PCDH15: variants seen among roughly 807,000 people sequenced by gnomAD.
The protein encoded by PCDH15 is protocadherin related 15.
Under a neutral mutation model 178.5 loss-of-function variants are expected in PCDH15, and 129 were observed. That is an observed-to-expected ratio of 0.72 (90% confidence interval 0.63 to 0.84). The LOEUF is 0.84. PCDH15 is among the 40% of genes least tolerant of loss of function. PCDH15 has a pLI of 0.00. For missense variants in PCDH15, 2,230 were observed against 2,099.9 expected, an observed-to-expected ratio of 1.06 and a Z score of -1.21; for synonymous variants, 800 against 732.0, an observed-to-expected ratio of 1.09 and a Z score of -1.50.
chr10:55,607,978 T>C (rs780754850), intron 2 of PCDH15, among the ~76,000 whole-genome samples: 1 of 152,082 alleles, frequency 6.6e-6, no homozygotes, highest in Admixed American at 6.6e-5. Context: ...TTTTATACTT[T>C]ATAATTTGAG....
chr10:55,381,808 A>G (rs1837539456), intron 2 of PCDH15, among the ~76,000 whole-genome samples: 1 of 152,166 alleles, frequency 6.6e-6, no homozygotes, highest in Non-Finnish European at 1.5e-5. Flanking sequence ...AAAAGCCTCT[A>G]AGTTGATCCG....
At chr10:53,918,976 G>A (rs568410387) in intron 25 of PCDH15, among the ~76,000 whole-genome samples, 1 of 152,230 alleles carries the variant, frequency 6.6e-6, no homozygotes, top group African/African-American at 2.4e-5. Context: ...CTGCCTGCTT[G>A]CATTCCTTAA....
At chr10:54,254,880 A>G (rs2056777537) in intron 8 of PCDH15, among the ~76,000 whole-genome samples, 1 of 150,994 alleles carries the variant, frequency 6.6e-6, no homozygotes. Flanking sequence ...AGCATCTGCT[A>G]AACTTCTCAA....
chr10:54,238,674 C>CTA (rs2054892114), intron 8 of PCDH15, among the ~76,000 whole-genome samples: 1 of 143,202 alleles, frequency 7.0e-6, no homozygotes, highest in Non-Finnish European at 1.5e-5. Context: ...CTCTCTCTCT[C>CTA]TCTCACACAC....
Position 54,925,693 on chromosome 10 carries a change from C to A in PCDH15, c.-79-28193G>T, listed in dbSNP as rs145086768. On this transcript the variant is annotated intron_variant, in intron 2 of 5. Transcript: ENST00000458638. The stretch of plus-strand genomic sequence containing the variant: ...TAGCTGTATTCCTAGATATTTCATT[C>A]TTTTTGTGGCAGTTGTGAATGGGAT... Among the ~76,000 whole-genome samples, 903 of 152,180 alleles carry A rather than the reference C, an allele frequency of 5.9e-3. 10 individuals carry two copies. The highest frequency in any genetic ancestry group is 0.02 in the African/African-American group (820 of 41,550).
At chr10:53,828,118 A>G (rs912630754) in intron 31 of PCDH15, among the ~76,000 whole-genome samples, 2 of 147,792 alleles carry the variant, frequency 1.4e-5, no homozygotes, top group Non-Finnish European at 3.0e-5. Context: ...AGGCAGGAGA[A>G]TCGCTTGAAC....
chr10:55,390,319 T>TTGA (rs944978902), intron 2 of PCDH15, among the ~76,000 whole-genome samples: 1 of 152,196 alleles, frequency 6.6e-6, no homozygotes, highest in Non-Finnish European at 1.5e-5. Flanking sequence ...GGGTTTTGGC[T>TTGA]TGATGATGAT....
rs139391671 is a variant in PCDH15 at position 54,541,570 on chromosome 10, A to G, written c.92-13693T>C. 9.5e-3 allele frequency among the ~76,000 whole-genome samples: 1,443 copies of G among 152,268 alleles called. 24 individuals carry two copies. Among genetic ancestry groups the G allele is most frequent in the African/African-American group, 0.033 (1,377 of 41,558 alleles). ...GTGAAATAAGATCTGTTATTCCAAA[A>G]TCTTTCCAAAAGAACTTTTCTGTTA... On this transcript the variant is annotated intron_variant, in intron 2 of 37. Transcript: ENST00000644397.
chr10:55,233,677 A>G (rs1320861345), intron 1 of PCDH15, among the ~76,000 whole-genome samples: 1 of 152,120 alleles, frequency 6.6e-6, no homozygotes, highest in Non-Finnish European at 1.5e-5. Context: ...ATAAAAGCAC[A>G]GTGAAGAGAG....
At chr10:54,570,563 T>G (rs2089669126) in intron 2 of PCDH15, among the ~76,000 whole-genome samples, 1 of 152,056 alleles carries the variant, frequency 6.6e-6, no homozygotes, top group African/African-American at 2.4e-5. Context: ...ATTTTTTAAA[T>G]ATTGCATTGG....
intron 26 of PCDH15, among the ~76,000 whole-genome samples, chr10:53,900,256 T>C (rs1173465190): frequency 2.6e-5 from 4 of 151,452 alleles, no homozygotes; most frequent in Non-Finnish European, 4.4e-5. Context: ...TGTCTGTCTC[T>C]CTCTCCCCTC....
chr10:53,954,008 T>C (rs1402755538), intron 23 of PCDH15, among the ~76,000 whole-genome samples: 1 of 152,168 alleles, frequency 6.6e-6, no homozygotes, highest in East Asian at 1.9e-4. Context: ...GCCAGGATGG[T>C]CTCAATCTCC....
At position 54,469,336 on chromosome 10, in the gene PCDH15, A is replaced by G. The variant is rs148539532; in HGVS notation, c.157+58476T>C. Reference sequence around the variant, plus strand: ...GGTTTTGAACTCCTGACCTCAAGTAATCTGCCCGCCTCAGCCTCCCAAAGT... The same window carrying G: ...GGTTTTGAACTCCTGACCTCAAGTAGTCTGCCCGCCTCAGCCTCCCAAAGT... On this transcript the variant is annotated intron_variant, in intron 3 of 37. Coordinates refer to ENST00000644397, the MANE Select transcript of PCDH15 (RefSeq NM_001384140.1). Among the ~76,000 whole-genome samples the G allele has an allele frequency of 4.8e-3, 738 of 152,234 alleles. 7 individuals are homozygous for G. Among genetic ancestry groups the G allele is most frequent in the African/African-American group, 0.017 (712 of 41,536 alleles).
At chr10:54,147,811 C>A (rs563167841) in intron 14 of PCDH15, among the ~76,000 whole-genome samples, 114 of 151,438 alleles carry the variant, frequency 7.5e-4, no homozygotes, top group African/African-American at 2.6e-3. Context: ...AGTTTTCCTC[C>A]ACAACAGTAA....
chr10:53,981,474 T>C (rs1473957385), intron 21 of PCDH15, among the ~76,000 whole-genome samples: 2 of 152,080 alleles, frequency 1.3e-5, no homozygotes, highest in Non-Finnish European at 2.9e-5. Flanking sequence ...AACAGAGATA[T>C]AGATCAATGG....
intron 2 of PCDH15, among the ~76,000 whole-genome samples, chr10:55,514,987 ATT>A (rs35469059): frequency 5.8e-5 from 7 of 120,220 alleles, no homozygotes; most frequent in Admixed American, 9.1e-5. Flanking sequence ...AGATAGATAG[ATT>A]TTTTTTTTTT....
chr10:54,064,919 C>T (rs1343947823), intron 18 of PCDH15, among the ~76,000 whole-genome samples: 1 of 152,150 alleles, frequency 6.6e-6, no homozygotes, highest in Admixed American at 6.5e-5. Flanking sequence ...CCCACCCTGC[C>T]AACTTGGAAG....
intron 3 of PCDH15, among the ~76,000 whole-genome samples, chr10:54,839,958 C>A (rs1290582902): frequency 2.0e-5 from 3 of 151,920 alleles, no homozygotes; most frequent in African/African-American, 7.2e-5. Context: ...CATCCTCAGA[C>A]CAAACACACT....
intron 2 of PCDH15, among the ~76,000 whole-genome samples, chr10:54,930,595 A>G (rs1039955085): frequency 6.6e-6 from 1 of 152,168 alleles, no homozygotes; most frequent in Non-Finnish European, 1.5e-5. Context: ...GGTCAAGGTA[A>G]CCTTGGCTCT....
Sources: gnomAD v4.1 joint callset for allele counts (sites outside exome capture counted in the v4.1 genomes callset) on GRCh38, gnomAD v4.1.1 for gene constraint, MANE v1.5 for transcripts, NCBI Gene and HGNC (gene_info 2026-07-23, HGNC 2026-07-21) for gene names.